BAZ1A: variants seen among roughly 807,000 people sequenced by gnomAD.
BAZ1A encodes the protein bromodomain adjacent to zinc finger domain 1A, also known as bromodomain adjacent to zinc finger domain protein 1A.
BAZ1A carries 50 observed loss-of-function variants against 185.2 expected under a neutral mutation model. The observed-to-expected ratio is 0.27, with a 90% confidence interval of 0.22 to 0.34. The LOEUF (loss-of-function observed/expected upper bound fraction) is 0.34. Among genes scored for constraint, BAZ1A ranks in the 10% least tolerant of loss-of-function variants. The pLI is 1.00. For missense variants in BAZ1A, 1,356 were observed against 1,839.9 expected, an observed-to-expected ratio of 0.74 and a Z score of 4.81; for synonymous variants, 571 against 615.6, an observed-to-expected ratio of 0.93 and a Z score of 1.07.
At chr14:34,831,684 T>A (rs562057692) in intron 3 of BAZ1A, among the ~76,000 whole-genome samples, 1 of 152,304 alleles carries the variant, frequency 6.6e-6, no homozygotes, top group East Asian at 1.9e-4. Flanking sequence ...GTATACTATA[T>A]GGGTCAACCC....
rs547091346 is a variant in BAZ1A at position 34,797,558 on chromosome 14, CAA to C, written c.1129-1795_1129-1794del. ...TGAGCAACAGAGTGACACTCCATCT[CAA>C]AAAAAAAAGTGTTAATTCTATCTCT... is the stretch of plus-strand genomic sequence containing the variant. On this transcript the variant is annotated intron_variant, in intron 9 of 26. Coordinates refer to ENST00000360310, the MANE Select transcript of BAZ1A (RefSeq NM_013448.3). Among the ~76,000 whole-genome samples, 930 of 147,374 alleles carry C rather than the reference CAA, an allele frequency of 6.3e-3. 15 individuals carry two copies. The highest frequency in any genetic ancestry group is 0.022 in the African/African-American group (898 of 40,228).
chr14:34,795,832 G>C, intron 9 of BAZ1A, 67 bp from the exon 10 acceptor site: 2 of 1,225,884 alleles, frequency 1.6e-6, no homozygotes, highest in Non-Finnish European at 2.3e-6. Flanking sequence ...GGCATCTCCT[G>C]AGAACTTGTT....
At position 34,862,277 on chromosome 14, in the gene BAZ1A, A is replaced by T; in HGVS notation, c.159T>A (p.Ser53Arg). 6.2e-7 allele frequency: 1 copy of T among 1,614,026 alleles called. No individual in the cohort carries two copies. The highest frequency in any genetic ancestry group is 8.5e-7 in the Non-Finnish European group (1 of 1,180,002). The stretch of plus-strand genomic sequence containing the variant: ...GTCCAGGTCTACCCGTCACAGCACA[A>T]CTCCACACAAGGCTGTTGCACAGAA... Reference protein sequence around the residue: ...RTILCNSLVWSCAVTGRPGLT... With the variant: ...RTILCNSLVWRCAVTGRPGLT... The change falls in exon 3 of 27, where the codon AGT becomes AGA. Residue 53 changes from serine to arginine, a missense_variant. Around this residue, in one of 7 missense-constraint regions of BAZ1A, gnomAD observed 332 missense variants for 395.3 expected, o/e 0.84. Coordinates refer to ENST00000360310, the MANE Select transcript of BAZ1A (RefSeq NM_013448.3).
At chr14:34,814,538 G>A (rs10148967) in intron 4 of BAZ1A, among the ~76,000 whole-genome samples, 41,842 of 151,672 alleles carry the variant, frequency 0.28, 6,103 homozygotes, top group Admixed American at 0.37. Context: ...GCGCAATCAC[G>A]GCTCACTGCT....
At chr14:34,778,688 A>G (rs979786240) in intron 17 of BAZ1A, among the ~76,000 whole-genome samples, 3 of 152,100 alleles carry the variant, frequency 2.0e-5, no homozygotes, top group Non-Finnish European at 4.4e-5. Context: ...AAAATTGTGT[A>G]TATCTCATCT....
rs368539153 is a variant in BAZ1A, at chr14:34,853,988, T to C, written c.392+8056A>G. Among the ~76,000 whole-genome samples the C allele has an allele frequency of 9.2e-5, 14 of 152,320 alleles. No individual in the cohort carries two copies. The East Asian group carries it at 1.7e-3, about 19-fold the overall frequency. ...ATAACTTGCCAAAAAGTTATACAGG[T>C]AGTAAGTATGTGCTGAAGGCACAAT... On this transcript the variant is annotated intron_variant, in intron 3 of 26. Coordinates refer to ENST00000360310, the MANE Select transcript of BAZ1A (RefSeq NM_013448.3).
intron 3 of BAZ1A, among the ~76,000 whole-genome samples, chr14:34,844,623 A>T (rs1303742729): frequency 6.6e-6 from 1 of 151,714 alleles, no homozygotes; most frequent in Non-Finnish European, 1.5e-5. Context: ...CAAAAAAAAA[A>T]AATTAAAAAT....
In BAZ1A at chr14:34,753,491, C is replaced by T. The variant is rs1448266382; in HGVS notation, c.*17G>A. ...ACAATTTGTTTTTCTTCAAATATATCCTTTAGAAGGACAAAGTCAGATTCG... is the reference window on the plus strand; with the variant it reads ...ACAATTTGTTTTTCTTCAAATATATTCTTTAGAAGGACAAAGTCAGATTCG... On this transcript the variant is annotated 3_prime_UTR_variant, in exon 27 of 27. Transcript: ENST00000360310. 1.9e-6 allele frequency: 3 copies of T among 1,612,980 alleles called. No homozygotes were observed. Among genetic ancestry groups the T allele is most frequent in the African/African-American group, 2.7e-5 (2 of 74,992 alleles).
At chr14:34,799,240 G>T (rs1334367911) in intron 9 of BAZ1A, among the ~76,000 whole-genome samples, 3 of 105,610 alleles carry the variant, frequency 2.8e-5, no homozygotes, top group East Asian at 7.1e-4. Flanking sequence ...GTTGTGGGGT[G>T]GGGGGAGGGG....
In BAZ1A at chr14:34,761,742, T is replaced by C; in HGVS notation, c.4243+15A>G. ...CAATTTTCCTAGGGAAGGAAGAGTT[T>C]AGATTTCTTCATACCTGGAGATTGT... is the stretch of plus-strand genomic sequence containing the variant. On this transcript the variant is annotated intron_variant, in intron 24 of 26. Transcript: ENST00000360310. The C allele has an allele frequency of 1.3e-6, 2 of 1,582,698 alleles. No homozygotes were observed. The highest frequency in any genetic ancestry group is 1.1e-5 in the South Asian group (1 of 88,320).
chr14:34,856,076 T>C (rs1045354691), intron 3 of BAZ1A, among the ~76,000 whole-genome samples: 1 of 151,704 alleles, frequency 6.6e-6, no homozygotes, highest in African/African-American at 2.4e-5. Context: ...AAAAGAAAAA[T>C]AAGCAAAGGA....
At chr14:34,866,498 A>AG (rs1212869675) in intron 2 of BAZ1A, among the ~76,000 whole-genome samples, 2 of 8,602 alleles carry the variant, frequency 2.3e-4, no homozygotes, top group Non-Finnish European at 1.1e-3. Flanking sequence ...AAAAAAAAAA[A>AG]AAAAGAAAAA....
At chr14:34,759,170 A>AGGTTTTTTTTTTT (rs1886399471) in intron 24 of BAZ1A, among the ~76,000 whole-genome samples, 1 of 80,954 alleles carries the variant, frequency 1.2e-5, no homozygotes, top group Non-Finnish European at 2.2e-5. Context: ...TTACAGCTAC[A>AGGTTTTTTTTTTT]GTTTTTTTTT....
At chr14:34,799,906 G>A (rs555148977) in intron 9 of BAZ1A, among the ~76,000 whole-genome samples, 13 of 152,094 alleles carry the variant, frequency 8.5e-5, no homozygotes, top group South Asian at 4.2e-4. Flanking sequence ...CACTGCACCC[G>A]GCCTATTTTA....
At chr14:34,800,121 T>A (rs953485558) in intron 9 of BAZ1A, 103 bp downstream of exon 9, 10 of 1,123,584 alleles carry the variant, frequency 8.9e-6, no homozygotes, top group Non-Finnish European at 1.1e-5. Flanking sequence ...TTCATAAATG[T>A]GAATGAAAGT....
At chr14:34,813,093 G>A (rs1223388484) in intron 4 of BAZ1A, among the ~76,000 whole-genome samples, 1 of 152,128 alleles carries the variant, frequency 6.6e-6, no homozygotes, top group Non-Finnish European at 1.5e-5. Flanking sequence ...AAAGAAAGAA[G>A]CACTGCTGGC....
In BAZ1A at chr14:34,776,198, C is replaced by T. The variant is rs1486949323; in HGVS notation, c.2554G>A (p.Asp852Asn). The part of the protein sequence containing the change: ...SSFQNNVQSQ[D>N]PQVSTKTGEP... ...CCAGTTTTAGTGGATACCTGAGGAT[C>T]TTGAGACTGTACATTATTCTGAAAT... Residue 852 changes from aspartate to asparagine, a missense_variant, in exon 18 of 27, where the codon GAT becomes AAT. Physicochemically the swap from Asp to Asn is conservative, Grantham distance 23. Transcript: ENST00000360310. The T allele has an allele frequency of 6.2e-7, 1 of 1,614,038 alleles. No homozygotes were observed. The highest frequency in any genetic ancestry group is 1.3e-5 in the African/African-American group (1 of 74,912).
Position 34,800,269 on chromosome 14 carries a change from T to TA in BAZ1A, c.1082dup (p.Lys363GlufsTer9). On this transcript the variant is annotated frameshift_variant, in exon 9 of 27. Coordinates refer to ENST00000360310, the MANE Select transcript of BAZ1A (RefSeq NM_013448.3). LOFTEE classifies it high-confidence loss of function. ...GCCTCTCTTTTTCTTCTTTTTTCTT[T>TA]AGTCTCTCTTCTTCAACAATTTTTT... 1 of 1,428,314 alleles carries TA rather than the reference T, an allele frequency of 7.0e-7. No homozygotes were observed. The highest frequency in any genetic ancestry group is 9.5e-7 in the Non-Finnish European group (1 of 1,052,898). The allele number at this position is 1,428,314 out of a possible 1,614,324, so 88.5% of individuals were successfully genotyped here.
chr14:34,856,287 A>AT (rs746440929), intron 3 of BAZ1A, among the ~76,000 whole-genome samples: 1 of 104,066 alleles, frequency 9.6e-6, no homozygotes, highest in South Asian at 3.7e-4. Context: ...ACTCAAGAGC[A>AT]TCTTTTTTTT....
Sources: allele counts gnomAD v4.1 joint callset (sites outside exome capture counted in the v4.1 genomes callset), GRCh38; gene constraint gnomAD v4.1.1; regional missense constraint gnomAD v4.1.1; transcripts MANE v1.5; gene names NCBI Gene and HGNC (gene_info 2026-07-23, HGNC 2026-07-21).